Variants in FBLN7 observed in about 807,000 individuals in gnomAD.
The protein encoded by FBLN7 is fibulin 7, also known as fibulin-7.
Under a neutral mutation model 44.0 loss-of-function variants are expected in FBLN7, and 31 were observed. That is an observed-to-expected ratio of 0.70 (90% CI 0.53 to 0.95). The LOEUF (loss-of-function observed/expected upper bound fraction) is 0.95, where lower values mean the gene tolerates loss of function less well. Among genes scored for constraint, FBLN7 ranks in the 40% least tolerant of loss-of-function variants. FBLN7 has a pLI of 0.00. For synonymous variants in FBLN7, 262 were observed against 253.4 expected (o/e 1.03, Z -0.32); for missense variants, 573 against 618.5 (o/e 0.93, Z 0.78).
chr2:112,172,046 G>C (rs540437113), intron 3 of FBLN7, among the ~76,000 whole-genome samples: 1 of 152,138 alleles, frequency 6.6e-6, no homozygotes, highest in African/African-American at 2.4e-5. Flanking sequence ...CACCGCACCC[G>C]ACCATTAAGC....
the FBLN7 span, among the ~76,000 whole-genome samples, chr2:112,202,308 A>G: frequency 7.3e-4 from 111 of 152,292 alleles, no homozygotes; most frequent in Non-Finnish European, 1.3e-3. Flanking sequence ...AGGAAAGGTG[A>G]TTTTGAAATA....
intron 3 of FBLN7, among the ~76,000 whole-genome samples, chr2:112,167,400 A>G (rs1338853845): frequency 1.3e-5 from 2 of 152,196 alleles, no homozygotes; most frequent in African/African-American, 2.4e-5. Flanking sequence ...TGGCTCGCCA[A>G]GAATGCCTTT....
chr2:112,156,768 C>T (rs942211645), intron 1 of FBLN7, among the ~76,000 whole-genome samples: 1 of 152,224 alleles, frequency 6.6e-6, no homozygotes, highest in Admixed American at 6.5e-5. Context: ...CCGGGATTAA[C>T]GAATTCCAGG....
At chr2:112,231,074 TTAC>T in the FBLN7 span, 76 of 594,272 alleles carry the variant, frequency 1.3e-4, no homozygotes, top group South Asian at 2.1e-3. Context: ...CTAATATTAT[TTAC>T]TACTACTACA....
At chr2:112,186,746 C>T (rs1683288182) in intron 7 of FBLN7, among the ~76,000 whole-genome samples, 1 of 152,342 alleles carries the variant, frequency 6.6e-6, no homozygotes, top group South Asian at 2.1e-4. Context: ...GAGGTCCTGC[C>T]ATTACTGGGC....
At chr2:112,145,773 A>G (rs770260645) in intron 1 of FBLN7, among the ~76,000 whole-genome samples, 5 of 152,198 alleles carry the variant, frequency 3.3e-5, no homozygotes, top group South Asian at 2.1e-4. Context: ...AATTGTTCCA[A>G]TACCATTTGT....
chr2:112,231,755 T>G, the FBLN7 span: 1 of 802,316 alleles, frequency 1.2e-6, no homozygotes, highest in Middle Eastern at 3.9e-4. Flanking sequence ...GCACTCTCCT[T>G]AATTATCTTC....
chr2:112,163,241 T>C (rs1011658924), intron 2 of FBLN7, among the ~76,000 whole-genome samples: 1 of 152,212 alleles, frequency 6.6e-6, no homozygotes, highest in Non-Finnish European at 1.5e-5. Flanking sequence ...CCAGCTGCAC[T>C]CCTGGACAGG....
At chr2:112,205,040 A>G in the FBLN7 span, among the ~76,000 whole-genome samples, 1 of 152,140 alleles carries the variant, frequency 6.6e-6, no homozygotes, top group East Asian at 1.9e-4. Context: ...ATAAAATAGT[A>G]CAAAAGAGGG....
chr2:112,238,499 AC>A, the FBLN7 span: 1 of 1,611,346 alleles, frequency 6.2e-7, no homozygotes, highest in African/African-American at 1.3e-5. Context: ...TATGCAGCGA[AC>A]TTTTTGGTGA....
intron 1 of FBLN7, among the ~76,000 whole-genome samples, chr2:112,158,265 G>C (rs1271136581): frequency 6.6e-6 from 1 of 151,890 alleles, no homozygotes; most frequent in Non-Finnish European, 1.5e-5. Flanking sequence ...TGTTGTTTTT[G>C]AGATAGGGTT....
rs1683353992 is a variant in FBLN7, at chr2:112,187,956, A to C, written c.*450A>C. 1.0e-5 allele frequency: 2 copies of C among 199,812 alleles called. No homozygotes were observed. The highest frequency in any genetic ancestry group is 2.3e-5 in the African/African-American group (1 of 42,808). The allele number at this position is 199,812 out of a possible 1,614,324, so 12.4% of individuals were successfully genotyped here. Reference sequence around the variant, plus strand: ...GGGGGCCCTAGTCATGCCTCTGCGCATGTGGCATAGGAAGTGGAGTCTCCT... The same window carrying C: ...GGGGGCCCTAGTCATGCCTCTGCGCCTGTGGCATAGGAAGTGGAGTCTCCT... On this transcript the variant is annotated 3_prime_UTR_variant, in exon 8 of 8. Transcript: ENST00000331203. This position sits in a 1 kb window ranked among gnomAD's most constrained non-coding sequence, Gnocchi z 5.1.
At chr2:112,194,824 T>G in the FBLN7 span, among the ~76,000 whole-genome samples, 1 of 152,222 alleles carries the variant, frequency 6.6e-6, no homozygotes, top group East Asian at 1.9e-4. Flanking sequence ...TGGGTGTTCT[T>G]TTCAAACAAA....
At chr2:112,198,447 G>A in the FBLN7 span, among the ~76,000 whole-genome samples, 1 of 152,050 alleles carries the variant, frequency 6.6e-6, no homozygotes, top group Non-Finnish European at 1.5e-5. Flanking sequence ...GACCAGCCCG[G>A]CCAACATGGT....
chr2:112,151,413 C>T (rs1681154247), intron 1 of FBLN7: 1 of 152,172 alleles, frequency 6.6e-6, no homozygotes, highest in Admixed American at 6.5e-5. Context: ...TGTACCACGG[C>T]AGTCCTGTCA....
At chr2:112,240,693 G>A in the FBLN7 span, among the ~76,000 whole-genome samples, 99 of 152,268 alleles carry the variant, frequency 6.5e-4, no homozygotes, top group African/African-American at 2.2e-3. Flanking sequence ...TTATTATACA[G>A]TAGGGATAAA....
At chr2:112,230,993 T>C in the FBLN7 span, 1 of 1,152,888 alleles carries the variant, frequency 8.7e-7, no homozygotes, top group South Asian at 1.7e-5. Context: ...TATGCATTCA[T>C]GTGTAATTCA....
chr2:112,196,351 A>C, the FBLN7 span, among the ~76,000 whole-genome samples: 1 of 148,956 alleles, frequency 6.7e-6, no homozygotes, highest in Non-Finnish European at 1.5e-5. Flanking sequence ...CCCTTCCCCC[A>C]AAATTAATTT....
At chr2:112,202,493 A>G in the FBLN7 span, among the ~76,000 whole-genome samples, 23 of 152,048 alleles carry the variant, frequency 1.5e-4, no homozygotes, top group Admixed American at 1.4e-3. Flanking sequence ...GTCAAACCAC[A>G]CTTAAAAGTG....
Sources: allele counts gnomAD v4.1 joint callset (sites outside exome capture counted in the v4.1 genomes callset), GRCh38; gene constraint gnomAD v4.1.1; non-coding constraint Gnocchi (gnomAD v3.1); transcripts MANE v1.5; gene names NCBI Gene and HGNC (gene_info 2026-07-23, HGNC 2026-07-21).